Variants in MAML3 observed in about 807,000 individuals in gnomAD.
MAML3 encodes the protein mastermind like transcriptional coactivator 3, also known as mastermind-like protein 3.
Under a neutral mutation model 101.9 loss-of-function variants are expected in MAML3, and 27 were observed. The ratio of observed to expected loss-of-function variants is 0.27; its 90% CI spans 0.20 to 0.37. The LOEUF (loss-of-function observed/expected upper bound fraction) is 0.37, where lower values mean the gene tolerates loss of function less well. MAML3 is among the 10% of genes least tolerant of loss of function. The probability of loss-of-function intolerance (pLI) is 1.00; values close to 1 mark genes in which losing one functional copy is unlikely to be tolerated. For synonymous variants in MAML3, 501 were observed against 555.9 expected (o/e 0.90, Z 1.39); for missense variants, 1,316 against 1,444.9 (o/e 0.91, Z 1.45).
intron 1 of MAML3, 34 bp downstream of exon 1, chr4:140,152,826 G>T: frequency 6.8e-7 from 1 of 1,463,734 alleles, no homozygotes; most frequent in Non-Finnish European, 9.1e-7. Context: ...CACCCCCAAC[G>T]CGCGCCGCAA....
intron 2 of MAML3, among the ~76,000 whole-genome samples, chr4:139,844,058 G>A (rs1040928203): frequency 6.6e-6 from 1 of 152,200 alleles, no homozygotes. Context: ...TCTTCAGGAT[G>A]GCATTTATCA....
In MAML3 at chr4:140,031,030, C is replaced by T. The variant is rs1184798986; in HGVS notation, c.468+121830G>A. The stretch of plus-strand genomic sequence containing the variant: ...AGATTAAAACCCACCAGAAAACAGC[C>T]GCAGACTGTACTGATGCTGTGCTCC... On this transcript the variant is annotated intron_variant, in intron 1 of 4. Transcript: ENST00000509479. 4.6e-5 allele frequency among the ~76,000 whole-genome samples: 7 copies of T among 152,118 alleles called. No individual in the cohort carries two copies. In the South Asian group the frequency reaches 6.2e-4, roughly 14 times the overall value.
chr4:139,831,529 T>C (rs760408887), intron 2 of MAML3, among the ~76,000 whole-genome samples: 1 of 152,164 alleles, frequency 6.6e-6, no homozygotes, highest in Non-Finnish European at 1.5e-5. Context: ...TAGCAAGATA[T>C]TCTATCCCTG....
chr4:139,909,201 C>A (rs970384057), intron 1 of MAML3, among the ~76,000 whole-genome samples: 1 of 152,210 alleles, frequency 6.6e-6, no homozygotes, highest in Non-Finnish European at 1.5e-5. Context: ...GGCATATTCA[C>A]ATCTGACCCC....
chr4:139,893,038 C>T (rs75771244), intron 1 of MAML3, among the ~76,000 whole-genome samples: 6,659 of 152,198 alleles, frequency 0.044, 201 homozygotes, highest in African/African-American at 0.082. Flanking sequence ...CATCTCCTCC[C>T]CTCTTCTCCC....
intron 1 of MAML3, among the ~76,000 whole-genome samples, chr4:140,032,865 C>A (rs1450547533): frequency 1.6e-5 from 2 of 124,748 alleles, no homozygotes; most frequent in East Asian, 2.3e-4. Flanking sequence ...TGGAAAAAAA[C>A]CTCTCATTGT....
chr4:139,782,371 T>A (rs1730233280), intron 2 of MAML3, among the ~76,000 whole-genome samples: 1 of 152,110 alleles, frequency 6.6e-6, no homozygotes, highest in African/African-American at 2.4e-5. Flanking sequence ...CTCACTATGT[T>A]GCCCGGGCTG....
chr4:139,852,609 T>A (rs1411235609), intron 2 of MAML3, among the ~76,000 whole-genome samples: 2 of 152,058 alleles, frequency 1.3e-5, no homozygotes, highest in African/African-American at 4.8e-5. Context: ...GAGACAGGGT[T>A]TCACCATGTT....
At chr4:140,021,248 G>A (rs770879252) in intron 1 of MAML3, among the ~76,000 whole-genome samples, 71 of 152,172 alleles carry the variant, frequency 4.7e-4, no homozygotes, top group Non-Finnish European at 4.3e-4. Context: ...ATTACTGTGT[G>A]AGCTTAGATA....
intron 1 of MAML3, among the ~76,000 whole-genome samples, chr4:140,093,568 C>T (rs1728099729): frequency 6.6e-6 from 1 of 151,974 alleles, no homozygotes; most frequent in African/African-American, 2.4e-5. Context: ...AGGCACCCGC[C>T]ACCACGCCCT....
intron 1 of MAML3, among the ~76,000 whole-genome samples, chr4:140,022,580 C>T (rs1430828023): frequency 6.6e-6 from 1 of 152,062 alleles, no homozygotes; most frequent in African/African-American, 2.4e-5. Context: ...CAATAAGATG[C>T]CCAGCAAAGA....
chr4:140,017,412 A>C (rs1331768593), intron 1 of MAML3, among the ~76,000 whole-genome samples: 1 of 152,184 alleles, frequency 6.6e-6, no homozygotes, highest in East Asian at 1.9e-4. Flanking sequence ...CTAAACATGC[A>C]ACTACCATAT....
At position 139,889,497 on chromosome 4, in the gene MAML3, G is replaced by C; in HGVS notation, c.1939C>G (p.Gln647Glu). ...QQQQQQQQQQ[Q>E]QQQPPPPQLQ... The stretch of plus-strand genomic sequence containing the variant: ...TGTGGAGGTGGCGGCTGCTGCTGCT[G>C]CTGCTGCTGCTGTTGCTGTTGCTGC... The change falls in exon 2 of 5, where the codon CAG becomes GAG. Residue 647 changes from glutamine to glutamate, a missense_variant. By Grantham distance (29) the Gln-to-Glu change is conservative. Transcript: ENST00000509479. The C allele has an allele frequency of 1.9e-6, 3 of 1,612,310 alleles. No homozygotes were observed. Among genetic ancestry groups the C allele is most frequent in the Non-Finnish European group, 2.5e-6 (3 of 1,178,430 alleles).
intron 1 of MAML3, among the ~76,000 whole-genome samples, chr4:140,073,459 T>C (rs1379660376): frequency 6.6e-6 from 1 of 152,038 alleles, no homozygotes; most frequent in African/African-American, 2.4e-5. Flanking sequence ...CAACAAAATT[T>C]CTTATAGACT....
intron 1 of MAML3, among the ~76,000 whole-genome samples, chr4:140,103,160 A>C (rs947687509): frequency 1.3e-5 from 2 of 152,226 alleles, no homozygotes; most frequent in African/African-American, 4.8e-5. Flanking sequence ...GCAAAATTAC[A>C]AGATAATATA....
intron 1 of MAML3, chr4:140,133,195 A>T: frequency 2.6e-6 from 1 of 387,046 alleles, no homozygotes; most frequent in Non-Finnish European, 5.1e-6. Context: ...TTACTTTAAA[A>T]GTCCTATTTG....
chr4:139,867,174 C>A (rs1731913236), intron 2 of MAML3, among the ~76,000 whole-genome samples: 1 of 152,144 alleles, frequency 6.6e-6, no homozygotes, highest in Admixed American at 6.5e-5. Flanking sequence ...AATAACCATT[C>A]CGTCTGGATT....
chr4:139,885,489 A>G (rs1732310544), intron 2 of MAML3, among the ~76,000 whole-genome samples: 1 of 152,162 alleles, frequency 6.6e-6, no homozygotes, highest in Non-Finnish European at 1.5e-5. Flanking sequence ...TATGCCTGTA[A>G]CAAAATATCA....
At chr4:140,066,352 T>C (rs1248403349) in intron 1 of MAML3, among the ~76,000 whole-genome samples, 1 of 152,194 alleles carries the variant, frequency 6.6e-6, no homozygotes, top group Non-Finnish European at 1.5e-5. Context: ...CCTTATTGCA[T>C]AGAAGACATG....
Sources: allele counts gnomAD v4.1 joint callset (sites outside exome capture counted in the v4.1 genomes callset), GRCh38; gene constraint gnomAD v4.1.1; transcripts MANE v1.5; gene names NCBI Gene and HGNC (gene_info 2026-07-23, HGNC 2026-07-21).